GTF2A2: variants seen among roughly 807,000 people sequenced by gnomAD.
The protein encoded by GTF2A2 is general transcription factor IIA subunit 2, also known as transcription initiation factor IIA subunit 2.
Under a neutral mutation model 14.3 loss-of-function variants are expected in GTF2A2, and 9 were observed. The observed-to-expected ratio is 0.63, with a 90% CI of 0.38 to 1.10. GTF2A2 has a LOEUF of 1.10. GTF2A2 is among the 50% of genes least tolerant of loss of function. GTF2A2 has a pLI of 0.01. For synonymous variants in GTF2A2, 56 were observed against 46.0 expected, an observed-to-expected ratio of 1.22 and a Z score of -0.88; for missense variants, 90 against 124.6, an observed-to-expected ratio of 0.72 and a Z score of 1.32.
chr15:59,647,926 CAG>C (rs1891659888), intron 3 of GTF2A2, among the ~76,000 whole-genome samples: 1 of 152,078 alleles, frequency 6.6e-6, no homozygotes, highest in Non-Finnish European at 1.5e-5. Context: ...CATCAAAAAA[CAG>C]GGAAAAGGAA....
Position 59,638,984 on chromosome 15 carries a change from G to A in GTF2A2, c.*148C>T, listed in dbSNP as rs1202363054. 3.2e-6 allele frequency: 2 copies of A among 630,520 alleles called. No homozygotes were observed. The allele number at this position is 630,520 out of a possible 1,614,324, so 39.1% of individuals were successfully genotyped here. On this transcript the variant is annotated 3_prime_UTR_variant, in exon 5 of 5. Transcript: ENST00000396060. The stretch of plus-strand genomic sequence containing the variant: ...TAAAGGTGATGTAAGAGGCTACAGA[G>A]TTACAAGTTTCTTTCTACTGGAATT...
At chr15:59,639,458 T>TC (rs1389787187) in intron 4 of GTF2A2, among the ~76,000 whole-genome samples, 10 of 110,724 alleles carry the variant, frequency 9.0e-5, no homozygotes, top group South Asian at 3.6e-4. Flanking sequence ...TCCTTTACTG[T>TC]CCCAAATTTT....
rs569355315 is a variant in GTF2A2, at chr15:59,650,604, T to TA, written c.177+64dup. On this transcript the variant is annotated intron_variant, in intron 3 of 4. Coordinates refer to ENST00000396060, the MANE Select transcript of GTF2A2 (RefSeq NM_004492.3). ...ATGATTAATAAATATGTAGGGGTCC[T>TA]AAAAAAAAATCAGTGTTTTAACAAC... 989 of 876,990 alleles carry TA rather than the reference T, an allele frequency of 1.1e-3. 1 individual carries two copies. The highest frequency in any genetic ancestry group is 1.3e-3 in the African/African-American group (75 of 59,400). 54.3% of individuals were successfully genotyped at this position (876,990 alleles called of 1,614,324 possible).
At chr15:59,641,545 T>G (rs1186224473) in intron 4 of GTF2A2, among the ~76,000 whole-genome samples, 11 of 152,172 alleles carry the variant, frequency 7.2e-5, no homozygotes, top group African/African-American at 2.7e-4. Context: ...GATTATGAAG[T>G]ATATTTAAAA....
At position 59,638,210 on chromosome 15, in the gene GTF2A2, A is replaced by C. The variant is rs932313598; in HGVS notation, c.*922T>G. The C allele has an allele frequency of 6.6e-6, 1 of 152,128 alleles. No homozygotes were observed. The highest frequency in any genetic ancestry group is 1.5e-5 in the Non-Finnish European group (1 of 68,022). 9.4% of individuals were successfully genotyped at this position (152,128 alleles called of 1,614,324 possible). ...GGTGTGAGCCACCAGTACCTAGCCA[A>C]AGTTAGTTTTAATGTGAGAGTCAAG... On this transcript the variant is annotated 3_prime_UTR_variant, in exon 5 of 5. Transcript: ENST00000396060.
Position 59,647,730 on chromosome 15 carries a change from C to G in GTF2A2, c.177+2939G>C, listed in dbSNP as rs148609223. 4.2e-3 allele frequency among the ~76,000 whole-genome samples: 633 copies of G among 152,186 alleles called. 18 individuals are homozygous for G. Among genetic ancestry groups the G allele is most frequent in the East Asian group, 7.2e-3 (37 of 5,156 alleles). The stretch of plus-strand genomic sequence containing the variant: ...AGTAGCTGGGACTACAGGCATGCAC[C>G]ACCATGCCCAGCTCATTTTAGTAAA... On this transcript the variant is annotated intron_variant, in intron 3 of 4. Coordinates refer to ENST00000396060, the MANE Select transcript of GTF2A2 (RefSeq NM_004492.3).
At chr15:59,642,613 A>G (rs1208813155) in intron 3 of GTF2A2, among the ~76,000 whole-genome samples, 1 of 152,202 alleles carries the variant, frequency 6.6e-6, no homozygotes, top group Non-Finnish European at 1.5e-5. Flanking sequence ...AAAGTTACAT[A>G]TTTTATTGTG....
At chr15:59,651,818 C>A (rs538598287) in intron 2 of GTF2A2, 139 of 159,088 alleles carry the variant, frequency 8.7e-4, no homozygotes, top group Non-Finnish European at 1.6e-3. Context: ...TCCCGAGTAA[C>A]TGGGACTATA....
intron 1 of GTF2A2, among the ~76,000 whole-genome samples, chr15:59,654,752 CCA>C (rs1891893851): frequency 1.3e-5 from 2 of 152,192 alleles, no homozygotes; most frequent in South Asian, 4.1e-4. Context: ...GCAATAACTT[CCA>C]GACTCACAGC....
rs1223506329 is a variant in GTF2A2 at position 59,652,339 on chromosome 15, T to C, written c.-49-13A>G. 2 of 853,114 alleles carry C rather than the reference T, an allele frequency of 2.3e-6. No homozygotes were observed. Among genetic ancestry groups the C allele is most frequent in the African/African-American group, 3.4e-5 (2 of 58,672 alleles). 52.8% of individuals were successfully genotyped at this position (853,114 alleles called of 1,614,324 possible). ...TTGCATTGATGTCCTAAAAATTTAATATAAAATTGTTAAAAAAGATCATAC... is the reference window on the plus strand; with the variant it reads ...TTGCATTGATGTCCTAAAAATTTAACATAAAATTGTTAAAAAAGATCATAC... On this transcript the variant is annotated splice_polypyrimidine_tract_variant and intron_variant, in intron 1 of 4. Coordinates refer to ENST00000396060, the MANE Select transcript of GTF2A2 (RefSeq NM_004492.3).
At chr15:59,656,622 CAG>C (rs548471812) in intron 1 of GTF2A2, among the ~76,000 whole-genome samples, 14 of 152,178 alleles carry the variant, frequency 9.2e-5, no homozygotes, top group Non-Finnish European at 1.8e-4. Context: ...AGGCAAATAT[CAG>C]TAAGTATAAT....
Position 59,639,120 on chromosome 15 carries a change from T to A in GTF2A2, c.*12A>T, listed in dbSNP as rs1566921802. On this transcript the variant is annotated 3_prime_UTR_variant, in exon 5 of 5. Transcript: ENST00000396060. ...AACAGAAGATGGTGTAAAAAAGTCA[T>A]ATTTTTTCTATTCATTCTGTAGTAT... 7.2e-7 allele frequency: 1 copy of A among 1,395,560 alleles called. No individual in the cohort carries two copies. 86.4% of individuals were successfully genotyped at this position (1,395,560 alleles called of 1,614,324 possible).
chr15:59,644,335 C>T (rs767480669), intron 3 of GTF2A2: 3 of 152,234 alleles, frequency 2.0e-5, no homozygotes, highest in Admixed American at 6.5e-5. Context: ...ATCTTCAACT[C>T]AGAAACCACC....
intron 3 of GTF2A2, among the ~76,000 whole-genome samples, chr15:59,647,641 C>CGATCTTG (rs1891649077): frequency 6.6e-6 from 1 of 151,756 alleles, no homozygotes. Context: ...TGCAGTGGCG[C>CGATCTTG]GATCTTGGCT....
At chr15:59,643,401 T>G (rs1393040670) in intron 3 of GTF2A2, among the ~76,000 whole-genome samples, 1 of 151,110 alleles carries the variant, frequency 6.6e-6, no homozygotes, top group Non-Finnish European at 1.5e-5. Context: ...TAAAAAGAAA[T>G]AGAGACAGGG....
In GTF2A2 at chr15:59,642,182, TTC is replaced by T. The variant is rs1891451569; in HGVS notation, c.256_257del (p.Glu86ThrfsTer3). The T allele has an allele frequency of 6.2e-7, 1 of 1,610,396 alleles. No homozygotes were observed. The highest frequency in any genetic ancestry group is 8.5e-7 in the Non-Finnish European group (1 of 1,178,004). On this transcript the variant is annotated frameshift_variant, in exon 4 of 5. Transcript: ENST00000396060. LOFTEE classifies it high-confidence loss of function. ...LNDVEFREVT[E>X]LIKVDKVKIV... is the part of the protein sequence containing the mutation. Reference sequence around the variant, plus strand: ...TTTTCACTTTATCCACTTTAATAAGTTCTGTCACCTCTCTGAATTCAACATCA... The same window carrying T: ...TTTTCACTTTATCCACTTTAATAAGTTGTCACCTCTCTGAATTCAACATCA...
At chr15:59,645,097 A>C (rs1891558278) in intron 3 of GTF2A2, among the ~76,000 whole-genome samples, 1 of 152,178 alleles carries the variant, frequency 6.6e-6, no homozygotes, top group Non-Finnish European at 1.5e-5. Context: ...ACAACTATAA[A>C]TATGGTGGGG....
chr15:59,647,569 TG>T (rs1891646707), intron 3 of GTF2A2, among the ~76,000 whole-genome samples: 1 of 152,144 alleles, frequency 6.6e-6, no homozygotes, highest in Non-Finnish European at 1.5e-5. Flanking sequence ...GTATCCACAA[TG>T]GGGCAACATG....
chr15:59,643,803 G>C (rs548368074), intron 3 of GTF2A2, among the ~76,000 whole-genome samples: 1 of 150,300 alleles, frequency 6.7e-6, no homozygotes, highest in South Asian at 2.1e-4. Context: ...TCACCATGTT[G>C]TCCAGGCTGG....
Sources: allele counts gnomAD v4.1 joint callset (sites outside exome capture counted in the v4.1 genomes callset), GRCh38; gene constraint gnomAD v4.1.1; transcripts MANE v1.5; gene names NCBI Gene and HGNC (gene_info 2026-07-23, HGNC 2026-07-21).